Variants in ACOT9 observed in about 807,000 individuals in gnomAD.
ACOT9 encodes the protein acyl-CoA thioesterase 9, also known as acyl-coenzyme A thioesterase 9, mitochondrial.
A neutral mutation model predicts 39.7 loss-of-function variants in ACOT9; 34 were observed. The ratio of observed to expected loss-of-function variants is 0.86; its 90% CI spans 0.65 to 1.14. The LOEUF (loss-of-function observed/expected upper bound fraction) is 1.14, where lower values mean the gene tolerates loss of function less well. Among genes scored for constraint, ACOT9 ranks in the 50% most tolerant of loss-of-function variants. The pLI, the probability that ACOT9 is intolerant of heterozygous loss-of-function variation, is 0.00. For missense variants in ACOT9, 313 were observed against 344.1 expected, an observed-to-expected ratio of 0.91 and a Z score of 0.71; for synonymous variants, 110 against 120.5, an observed-to-expected ratio of 0.91 and a Z score of 0.57.
intron 1 of ACOT9, among the ~76,000 whole-genome samples, chrX:23,742,485 T>C (rs1303634796): frequency 9.0e-6 from 1 of 110,723 alleles, no homozygotes; most frequent in Non-Finnish European, 1.9e-5. Context: ...AGGCCTTAAC[T>C]GTGCCAGCTG....
chrX:23,725,059 T>A (rs1199599001), intron 6 of ACOT9, among the ~76,000 whole-genome samples: 3 of 111,531 alleles, frequency 2.7e-5, no homozygotes, highest in Non-Finnish European at 5.6e-5. Flanking sequence ...TGGGAGTAGA[T>A]GAGTTTATAG....
rs755117459 is a variant in ACOT9, at chrX:23,711,858, G to GTAGTACTC, written c.662+1269_662+1276dup. Among the ~76,000 whole-genome samples, 36 of 111,255 alleles carry GTAGTACTC rather than the reference G, an allele frequency of 3.2e-4. No homozygotes were observed. In the East Asian group the frequency reaches 9.5e-3, roughly 29 times the overall value. On this transcript the variant is annotated intron_variant, in intron 9 of 15. Transcript: ENST00000379303. ...ATACGAGATATACAACATCATCTAT[G>GTAGTACTC]TAGTACTCTCACCAAATATGCTCAA...
chrX:23,722,075 T>C (rs963707062), intron 7 of ACOT9, 91 bp from the exon 8 acceptor site: 4 of 522,122 alleles, frequency 7.7e-6, no homozygotes, highest in Admixed American at 4.3e-5. Flanking sequence ...CAAATTCCAC[T>C]ACATTTCTTT....
intron 9 of ACOT9, among the ~76,000 whole-genome samples, chrX:23,709,980 C>T (rs1198887809): frequency 1.8e-5 from 2 of 111,687 alleles, no homozygotes; most frequent in African/African-American, 3.3e-5. Context: ...CTCTGCTTCC[C>T]GGGTTAAAGC....
intron 13 of ACOT9, 86 bp downstream of exon 13, chrX:23,705,423 C>T (rs191461622): frequency 9.5e-6 from 7 of 739,610 alleles, no homozygotes; most frequent in Non-Finnish European, 1.4e-5. Context: ...TTCCCACACA[C>T]ACCCAGACTG....
At chrX:23,731,024 A>C (rs765374385) in intron 4 of ACOT9, 38 bp from the exon 5 acceptor site, 7 of 1,146,168 alleles carry the variant, frequency 6.1e-6, no homozygotes, top group Non-Finnish European at 8.3e-6. Flanking sequence ...AAACAAGAGC[A>C]GTTCTAGCCC....
chrX:23,737,961 C>T (rs1226239530), intron 1 of ACOT9, among the ~76,000 whole-genome samples: 1 of 106,363 alleles, frequency 9.4e-6, no homozygotes, highest in Non-Finnish European at 1.9e-5. Flanking sequence ...CTCTGCCTCC[C>T]GGGTTCACGC....
chrX:23,712,506 GT>G (rs752807307), intron 9 of ACOT9, among the ~76,000 whole-genome samples: 37 of 107,343 alleles, frequency 3.4e-4, no homozygotes, highest in Admixed American at 2.4e-3. Context: ...CTGTAAGTCT[GT>G]TTTTTTTTGA....
intron 1 of ACOT9, among the ~76,000 whole-genome samples, chrX:23,740,717 T>TACACACACACAC (rs67075682): frequency 2.2e-3 from 204 of 92,089 alleles, no homozygotes; most frequent in Middle Eastern, 6.0e-3. Context: ...CCCCAATACA[T>TACACACACACAC]ACACACACAC....
At chrX:23,717,704 G>A (rs1929132173) in intron 8 of ACOT9, among the ~76,000 whole-genome samples, 1 of 111,724 alleles carries the variant, frequency 9.0e-6, no homozygotes, top group Admixed American at 9.6e-5. Flanking sequence ...TCTAGGTGGA[G>A]AAATATAAGG....
intron 7 of ACOT9, 128 bp from the exon 8 acceptor site, chrX:23,722,112 T>C: frequency 2.4e-6 from 1 of 415,424 alleles, no homozygotes; most frequent in Non-Finnish European, 4.1e-6. Context: ...AAATAACTTT[T>C]TTGACACGCA....
intron 1 of ACOT9, 70 bp downstream of exon 1, chrX:23,743,055 A>C: frequency 9.2e-7 from 1 of 1,085,206 alleles, no homozygotes; most frequent in East Asian, 3.8e-5. Context: ...GGCCAGCCCG[A>C]AGCTCTAGGG....
intron 11 of ACOT9, among the ~76,000 whole-genome samples, chrX:23,706,146 A>G (rs956088247): frequency 5.4e-5 from 6 of 110,645 alleles, no homozygotes; most frequent in Non-Finnish European, 9.5e-5. Context: ...GGCGCCTGTA[A>G]TCCCAGCTAC....
chrX:23,732,936 A>T, intron 4 of ACOT9, among the ~76,000 whole-genome samples: 1 of 112,031 alleles, frequency 8.9e-6, no homozygotes, highest in East Asian at 2.8e-4. Context: ...AGTAATATAC[A>T]CCTAAATGCA....
Position 23,702,101 on chromosome X carries a change from T to G in ACOT9, c.*1793A>C, listed in dbSNP as rs775645954. ...CACACACACACACACAAAAATACTTTCCACCTAATTCTGAGGCAGAGCCAA... is the reference window on the plus strand; with the variant it reads ...CACACACACACACACAAAAATACTTGCCACCTAATTCTGAGGCAGAGCCAA... On this transcript the variant is annotated 3_prime_UTR_variant, in exon 16 of 16. Coordinates refer to ENST00000379303, the MANE Select transcript of ACOT9 (RefSeq NM_001037171.2). Among the ~76,000 whole-genome samples the G allele has an allele frequency of 6.9e-4, 76 of 109,432 alleles. No homozygotes were observed. Among genetic ancestry groups the G allele is most frequent in the African/African-American group, 2.5e-3 (75 of 30,140 alleles).
chrX:23,733,797 T>C (rs1386320537), intron 3 of ACOT9, among the ~76,000 whole-genome samples: 1 of 111,778 alleles, frequency 8.9e-6, no homozygotes, highest in Non-Finnish European at 1.9e-5. Flanking sequence ...GTTTCGCTCT[T>C]GTTGCCCAGC....
Position 23,706,680 on chromosome X carries a change from C to T in ACOT9, c.790G>A (p.Ala264Thr), listed in dbSNP as rs139220036. 7.5e-6 allele frequency: 9 copies of T among 1,205,012 alleles called. No individual in the cohort carries two copies. Among genetic ancestry groups the T allele is most frequent in the African/African-American group, 5.3e-5 (3 of 56,431 alleles). Reference protein sequence around the residue: ...STSLLKMAPSAEERTTIHEMF... With the variant: ...STSLLKMAPSTEERTTIHEMF... Reference sequence around the variant, plus strand: ...TCATGTATGGTGGTCCTCTCCTCAGCGCTGGGGGCCATTTTCAGTAACGAC... The same window carrying T: ...TCATGTATGGTGGTCCTCTCCTCAGTGCTGGGGGCCATTTTCAGTAACGAC... Residue 264 changes from alanine to threonine, a missense_variant, in exon 11 of 16, where the codon GCT becomes ACT. Transcript: ENST00000379303.
chrX:23,719,873 G>A (rs989544022), intron 8 of ACOT9, among the ~76,000 whole-genome samples: 2 of 107,076 alleles, frequency 1.9e-5, no homozygotes, highest in African/African-American at 6.9e-5. Flanking sequence ...GTCTCGCTCT[G>A]TCGCCCAGGC....
chrX:23,742,979 T>C (rs1920995104), intron 1 of ACOT9, 146 bp downstream of exon 1: 1 of 722,883 alleles, frequency 1.4e-6, no homozygotes. Flanking sequence ...CGGTCGGAGG[T>C]ACAGTGGGCG....
Sources: gnomAD v4.1 joint callset for allele counts (sites outside exome capture counted in the v4.1 genomes callset) on GRCh38, gnomAD v4.1.1 for gene constraint, MANE v1.5 for transcripts, NCBI Gene and HGNC (gene_info 2026-07-23, HGNC 2026-07-21) for gene names.